EPHA6: variants seen among roughly 807,000 people sequenced by gnomAD.
EPHA6 encodes the protein ephrin type-A receptor 6.
Under a neutral mutation model 112.0 loss-of-function variants are expected in EPHA6, and 50 were observed. The ratio of observed to expected loss-of-function variants is 0.45; its 90% CI spans 0.36 to 0.56. EPHA6 has a LOEUF of 0.56. Among genes scored for constraint, EPHA6 ranks in the 20% least tolerant of loss-of-function variants. The pLI is 0.00. For synonymous variants in EPHA6, 529 were observed against 490.7 expected (o/e 1.08, Z -1.03); for missense variants, 1,280 against 1,417.4 (o/e 0.90, Z 1.56).
chr3:97,750,124 GA>G lies in EPHA6; in HGVS notation c.*1424del, dbSNP rs2035860140. ...CTGCTCCCTGTAAAACTAAAAAAAT[GA>G]CGACTGTTTTAGGTGAAAGAGTAAG... is the stretch of plus-strand genomic sequence containing the variant. On this transcript the variant is annotated 3_prime_UTR_variant, in exon 18 of 18. Coordinates refer to ENST00000389672, the MANE Select transcript of EPHA6 (RefSeq NM_001080448.3). Among the ~76,000 whole-genome samples the G allele has an allele frequency of 6.6e-6, 1 of 152,056 alleles. No individual in the cohort carries two copies. Among genetic ancestry groups the G allele is most frequent in the African/African-American group, 2.4e-5 (1 of 41,420 alleles).
At chr3:97,709,155 CAAAAAAAA>C (rs34571358) in intron 14 of EPHA6, among the ~76,000 whole-genome samples, 1 of 117,334 alleles carries the variant, frequency 8.5e-6, no homozygotes, top group African/African-American at 3.2e-5. Context: ...CCATGCAAGT[CAAAAAAAA>C]AAAAAAAAAG....
chr3:96,867,977 A>G lies in EPHA6; in HGVS notation c.450+1088A>G, dbSNP rs139641478. 2.8e-3 allele frequency among the ~76,000 whole-genome samples: 425 copies of G among 151,980 alleles called. 1 individual carries two copies. The highest frequency in any genetic ancestry group is 6.8e-3 in the Middle Eastern group (2 of 294). ...TTTTTCTGAAATTTTTGTTTATTCT[A>G]CTAGAGCTCTTATCAAACTGTTTCT... On this transcript the variant is annotated intron_variant, in intron 2 of 17. Coordinates refer to ENST00000389672, the MANE Select transcript of EPHA6 (RefSeq NM_001080448.3).
intron 3 of EPHA6, among the ~76,000 whole-genome samples, chr3:97,022,730 T>G (rs1282062474): frequency 2.0e-5 from 3 of 152,064 alleles, no homozygotes; most frequent in Non-Finnish European, 2.9e-5. Flanking sequence ...CTCCATGTAC[T>G]TTCTTTTAGA....
intron 10 of EPHA6, among the ~76,000 whole-genome samples, chr3:97,513,962 G>A (rs930440284): frequency 2.0e-5 from 3 of 152,040 alleles, no homozygotes; most frequent in African/African-American, 4.8e-5. Context: ...AGCTTCAGAG[G>A]GTGTTGAGAA....
At chr3:97,709,177 CA>C (rs1413646942) in intron 14 of EPHA6, among the ~76,000 whole-genome samples, 2 of 148,564 alleles carry the variant, frequency 1.3e-5, no homozygotes, top group African/African-American at 5.0e-5. Flanking sequence ...AAAAAAGCCA[CA>C]GGCACTCAAC....
At chr3:96,980,763 C>T (rs1196228482) in intron 2 of EPHA6, among the ~76,000 whole-genome samples, 2 of 152,172 alleles carry the variant, frequency 1.3e-5, no homozygotes, top group African/African-American at 4.8e-5. Context: ...AGAGGTTCTT[C>T]ACATCCCTGG....
At chr3:97,502,055 A>T (rs1167524015) in intron 10 of EPHA6, among the ~76,000 whole-genome samples, 1 of 151,908 alleles carries the variant, frequency 6.6e-6, no homozygotes, top group South Asian at 2.1e-4. Context: ...CCCAGGGCTT[A>T]CGTACCACAG....
At chr3:97,144,539 T>A (rs1258831408) in intron 3 of EPHA6, among the ~76,000 whole-genome samples, 1 of 151,292 alleles carries the variant, frequency 6.6e-6, no homozygotes, top group Admixed American at 6.6e-5. Context: ...ATTGGTAGAT[T>A]AATATATTTA....
chr3:97,174,999 A>G (rs547752232), intron 3 of EPHA6, among the ~76,000 whole-genome samples: 114 of 152,042 alleles, frequency 7.5e-4, no homozygotes, highest in African/African-American at 2.6e-3. Flanking sequence ...AGTTTACCCC[A>G]AAGTTTTCTT....
chr3:97,342,861 A>T (rs1304337405), intron 5 of EPHA6, among the ~76,000 whole-genome samples: 2 of 152,188 alleles, frequency 1.3e-5, no homozygotes, highest in Non-Finnish European at 2.9e-5. Flanking sequence ...GTGAGAAATA[A>T]ATGTTTATTG....
chr3:97,307,918 A>G (rs1205070931), intron 5 of EPHA6, among the ~76,000 whole-genome samples: 2 of 151,738 alleles, frequency 1.3e-5, no homozygotes, highest in East Asian at 3.9e-4. Flanking sequence ...TTTATCATAG[A>G]CAACATAAAC....
chr3:97,073,242 T>C (rs1275058667), intron 3 of EPHA6, among the ~76,000 whole-genome samples: 1 of 152,150 alleles, frequency 6.6e-6, no homozygotes, highest in Non-Finnish European at 1.5e-5. Flanking sequence ...GGGATCCAAA[T>C]TGTGTATCTT....
At chr3:96,826,364 G>A (rs1206552837) in intron 1 of EPHA6, among the ~76,000 whole-genome samples, 1 of 151,802 alleles carries the variant, frequency 6.6e-6, no homozygotes, top group Non-Finnish European at 1.5e-5. Context: ...TTTTTCAAAT[G>A]CATCTCTAGC....
intron 5 of EPHA6, among the ~76,000 whole-genome samples, chr3:97,368,269 C>T (rs938601033): frequency 2.6e-5 from 4 of 152,112 alleles, no homozygotes; most frequent in African/African-American, 9.6e-5. Context: ...TGCTAGTCTA[C>T]ACAGACATTA....
In EPHA6 at chr3:97,069,277, T is replaced by A. The variant is rs551808485; in HGVS notation, c.1114+81284T>A. Among the ~76,000 whole-genome samples, 8 of 152,220 alleles carry A rather than the reference T, an allele frequency of 5.3e-5. No homozygotes were observed. In the East Asian group the frequency reaches 1.2e-3, roughly 22 times the overall value. On this transcript the variant is annotated intron_variant, in intron 3 of 17. Coordinates refer to ENST00000389672, the MANE Select transcript of EPHA6 (RefSeq NM_001080448.3). Reference sequence around the variant, plus strand: ...TAAGAAAATCATAAGCAAACTAAATTTACTATTCATTAAGCTGAAGTGGAT... The same window carrying A: ...TAAGAAAATCATAAGCAAACTAAATATACTATTCATTAAGCTGAAGTGGAT...
chr3:97,474,629 AAATT>A (rs2091318997), intron 7 of EPHA6, among the ~76,000 whole-genome samples: 1 of 152,012 alleles, frequency 6.6e-6, no homozygotes, highest in Non-Finnish European at 1.5e-5. Flanking sequence ...AAGTGCTAAT[AAATT>A]AATTTAAATG....
intron 12 of EPHA6, among the ~76,000 whole-genome samples, chr3:97,600,117 G>A (rs1365048939): frequency 6.7e-6 from 1 of 150,274 alleles, no homozygotes; most frequent in Non-Finnish European, 1.5e-5. Flanking sequence ...CATTGATTTT[G>A]TATCCTGAGA....
At chr3:97,485,045 G>A (rs1197856405) in intron 10 of EPHA6, among the ~76,000 whole-genome samples, 2 of 152,186 alleles carry the variant, frequency 1.3e-5, no homozygotes, top group Non-Finnish European at 2.9e-5. Context: ...CAGGGGGGCT[G>A]TTTTCCTAAA....
At chr3:97,740,939 A>C (rs2035478252) in intron 16 of EPHA6, among the ~76,000 whole-genome samples, 1 of 152,072 alleles carries the variant, frequency 6.6e-6, no homozygotes, top group Admixed American at 6.6e-5. Context: ...CATGACAGAG[A>C]AATAACTGGC....
Sources: allele counts gnomAD v4.1 joint callset (sites outside exome capture counted in the v4.1 genomes callset), GRCh38; gene constraint gnomAD v4.1.1; transcripts MANE v1.5; gene names NCBI Gene and HGNC (gene_info 2026-07-23, HGNC 2026-07-21).